ZNF534: variants seen among roughly 807,000 people sequenced by gnomAD.
The protein encoded by ZNF534 is KRAB domain only 3.
ZNF534 carries 19 observed loss-of-function variants against 13.6 expected under a neutral mutation model. The observed-to-expected ratio is 1.40, with a 90% CI of 0.97 to 2.05. The LOEUF is 2.05. Among genes scored for constraint, ZNF534 ranks in the 30% most tolerant of loss-of-function variants. ZNF534 has a pLI of 0.00. For missense variants in ZNF534, 782 were observed against 796.3 expected, an observed-to-expected ratio of 0.98 and a Z score of 0.22; for synonymous variants, 244 against 273.8, an observed-to-expected ratio of 0.89 and a Z score of 1.07.
At chr19:52,449,088 G>T (rs1296734093) in intron 4 of ZNF534, among the ~76,000 whole-genome samples, 3 of 152,102 alleles carry the variant, frequency 2.0e-5, no homozygotes, top group Non-Finnish European at 4.4e-5. Context: ...ACATACGAGT[G>T]AGAGTATGAG....
chr19:52,450,938 G>A (rs920739075), intron 4 of ZNF534, among the ~76,000 whole-genome samples: 1 of 151,690 alleles, frequency 6.6e-6, no homozygotes, highest in African/African-American at 2.4e-5. Flanking sequence ...CGCCCATCTT[G>A]GCCTCCCAAA....
chr19:52,451,150 A>G, intron 4 of ZNF534: 1 of 622,432 alleles, frequency 1.6e-6, no homozygotes. Context: ...TAACCTTTCC[A>G]CTTCTTTCAT....
rs377544879 is a variant in ZNF534 at position 52,435,042 on chromosome 19, A to G, written c.143-39A>G. On this transcript the variant is annotated intron_variant, in intron 3 of 4. Coordinates refer to ENST00000433050, the MANE Select transcript of ZNF534 (RefSeq NM_001143938.3). ...TAAATATAGGGCTTGGACTTTGGAG[A>G]TGCCACAGCACACATTTATTCTTTC... 12 of 1,593,174 alleles carry G rather than the reference A, an allele frequency of 7.5e-6. No individual in the cohort carries two copies. The African/African-American group carries it at 1.2e-4, about 16-fold the overall frequency.
downstream of ZNF534, among the ~76,000 whole-genome samples, chr19:52,447,031 T>C (rs1028934962): frequency 6.6e-6 from 1 of 152,198 alleles, no homozygotes; most frequent in Non-Finnish European, 1.5e-5. Flanking sequence ...CCACCTTCAA[T>C]GTCAGTTGCA....
intron 4 of ZNF534, among the ~76,000 whole-genome samples, chr19:52,450,683 TTG>T (rs1347020836): frequency 6.2e-5 from 1 of 16,040 alleles, no homozygotes; most frequent in African/African-American, 2.5e-4. Context: ...TTTTTTTTTT[TTG>T]TTTTTGTTTT....
At chr19:52,449,374 C>CTG (rs2059205030) in intron 4 of ZNF534, among the ~76,000 whole-genome samples, 2 of 151,482 alleles carry the variant, frequency 1.3e-5, no homozygotes, top group South Asian at 4.2e-4. Flanking sequence ...CTCTCTCTCT[C>CTG]TCTTTCTCTC....
rs542931900 is a variant in ZNF534 at position 52,440,179 on chromosome 19, A to C, written c.*733A>C. ...CATCTATTAATCCATACTGGAAGGA[A>C]ACCATAGAAATATAAAGAATACAAG... On this transcript the variant is annotated 3_prime_UTR_variant, in exon 5 of 5. Coordinates refer to ENST00000433050, the MANE Select transcript of ZNF534 (RefSeq NM_001143938.3). Among the ~76,000 whole-genome samples, 195 of 152,356 alleles carry C rather than the reference A, an allele frequency of 1.3e-3. 1 individual carries two copies. The highest frequency in any genetic ancestry group is 4.3e-3 in the African/African-American group (178 of 41,578).
At chr19:52,434,464 C>CAA (rs528136970) in intron 3 of ZNF534, among the ~76,000 whole-genome samples, 94 of 63,012 alleles carry the variant, frequency 1.5e-3, no homozygotes, top group South Asian at 8.1e-3. Context: ...GACTCCGTCT[C>CAA]AAAAAAAAAA....
At chr19:52,444,029 C>A (rs1043508740), downstream of ZNF534, among the ~76,000 whole-genome samples, 3 of 151,830 alleles carry the variant, frequency 2.0e-5, no homozygotes, top group Non-Finnish European at 2.9e-5. Flanking sequence ...TGGTTTGTAT[C>A]CATTGCTAGT....
Position 52,439,537 on chromosome 19 carries a change from A to G in ZNF534, c.*91A>G. On this transcript the variant is annotated 3_prime_UTR_variant, in exon 5 of 5. Transcript: ENST00000433050. ...GGCAGGTGGATCATGAGGTCAGGAG[A>G]TTGAGACCATCCTGGCTAACACGGT... The G allele has an allele frequency of 8.6e-7, 1 of 1,163,722 alleles. No homozygotes were observed. Among genetic ancestry groups the G allele is most frequent in the Non-Finnish European group, 1.2e-6 (1 of 847,076 alleles). 72.1% of individuals were successfully genotyped at this position (1,163,722 alleles called of 1,614,324 possible).
chr19:52,437,646 G>GT, intron 4 of ZNF534, 86 bp from the exon 5 acceptor site: 1 of 1,285,038 alleles, frequency 7.8e-7, no homozygotes, highest in Non-Finnish European at 1.1e-6. Context: ...CAATGTCTGA[G>GT]TGAAGTGATG....
At chr19:52,446,616 G>A (rs1056889694), downstream of ZNF534, among the ~76,000 whole-genome samples, 1 of 152,040 alleles carries the variant, frequency 6.6e-6, no homozygotes, top group African/African-American at 2.4e-5. Context: ...CCAGCACTTT[G>A]GGAGGCTGAA....
chr19:52,438,013 C>G lies in ZNF534; in HGVS notation c.553C>G (p.Pro185Ala), dbSNP rs369324131. The G allele has an allele frequency of 8.2e-5, 132 of 1,614,076 alleles. No individual in the cohort carries two copies. In the South Asian group the frequency reaches 1.4e-3, roughly 17 times the overall value. ...ACAGAAAGTACACATTAGGGAAAAG[C>G]CTTATGGATGTAATGAGCATGGGAA... is the stretch of plus-strand genomic sequence containing the variant. ...QEQKVHIREK[P>A]YGCNEHGKVF... Residue 185 changes from proline (P) to alanine (A), a missense_variant, in exon 5 of 5, where the codon CCT becomes GCT. This residue lies in a region of ZNF534 where 591 missense variants were observed against 574.0 expected (regional missense o/e 1.03). Coordinates refer to ENST00000433050, the MANE Select transcript of ZNF534 (RefSeq NM_001143938.3).
rs2059176670 is a variant in ZNF534 at position 52,442,076 on chromosome 19, ATGGATTGTATATGCTG to A, written c.*2631_*2646del. Among the ~76,000 whole-genome samples, 1 of 152,172 alleles carries A rather than the reference ATGGATTGTATATGCTG, an allele frequency of 6.6e-6. No homozygotes were observed. The highest frequency in any genetic ancestry group is 1.5e-5 in the Non-Finnish European group (1 of 68,036). ...TATACTTTTGGATAAAACGACACAG[ATGGATTGTATATGCTG>A]AGGATATCCAAGGACCATTACTATA... On this transcript the variant is annotated 3_prime_UTR_variant, in exon 5 of 5. Transcript: ENST00000433050.
rs961515688 is a variant in ZNF534 at position 52,431,608 on chromosome 19, C to G, written c.15+119C>G. 4.3e-5 allele frequency: 57 copies of G among 1,319,126 alleles called. No homozygotes were observed. In the Admixed American group the frequency reaches 1.1e-3, roughly 25 times the overall value. The allele number at this position is 1,319,126 out of a possible 1,614,324, so 81.7% of individuals were successfully genotyped here. A position where few individuals can be genotyped will look rare whatever the true frequency, so the allele number is the denominator to read the frequency against. On this transcript the variant is annotated intron_variant, in intron 2 of 4. Transcript: ENST00000433050. Reference sequence around the variant, plus strand: ...CCTGACTCATTTCATTGCACTTACCCATGGCTTCTTCCAGTCCCTTTCACT... The same window carrying G: ...CCTGACTCATTTCATTGCACTTACCGATGGCTTCTTCCAGTCCCTTTCACT...
intron 4 of ZNF534, among the ~76,000 whole-genome samples, chr19:52,449,311 TG>T (rs1269797822): frequency 1.3e-5 from 2 of 152,072 alleles, no homozygotes; most frequent in Non-Finnish European, 2.9e-5. Flanking sequence ...ACAGTAAACA[TG>T]GGTGTGCAGA....
downstream of ZNF534, among the ~76,000 whole-genome samples, chr19:52,443,794 C>A (rs2059184952): frequency 6.6e-6 from 1 of 151,808 alleles, no homozygotes; most frequent in Admixed American, 6.6e-5. Flanking sequence ...CTCTGAAATT[C>A]TTTCTTCTGC....
Position 52,438,262 on chromosome 19 carries a change from A to G in ZNF534, c.802A>G (p.Lys268Glu). 1 of 1,605,772 alleles carries G rather than the reference A, an allele frequency of 6.2e-7. No individual in the cohort carries two copies. The highest frequency in any genetic ancestry group is 8.5e-7 in the Non-Finnish European group (1 of 1,173,564). Residue 268 changes from lysine (K) to glutamate (E), a missense_variant, in exon 5 of 5, where the codon AAA (lysine) becomes GAA (glutamate). Lys to Glu is a moderately conservative substitution (Grantham distance 56). Transcript: ENST00000433050. ...AQHQKIHTGQ[K>E]PYNNKECGKV... ...ACATCAGAAAATTCATACTGGACAG[A>G]AACCTTACAATAACAAAGAATGTGG... is the stretch of plus-strand genomic sequence containing the variant.
rs1009121676 is a variant in ZNF534 at position 52,439,261 on chromosome 19, A to G, written c.1801A>G (p.Thr601Ala). ...CCTTGCGCGACATAGGAAAATTCAT[A>G]CTGGAGAGAAGCTTTACAAATGTAA... is the stretch of plus-strand genomic sequence containing the variant. ...SHLARHRKIHTGEKLYKCNEC... is the reference protein window; with the variant it reads ...SHLARHRKIHAGEKLYKCNEC... The change falls in exon 5 of 5, where the codon ACT becomes GCT. Residue 601 changes from threonine (T) to alanine (A), a missense_variant. Transcript: ENST00000433050. The G allele has an allele frequency of 5.1e-6, 8 of 1,569,066 alleles. No individual in the cohort carries two copies. The highest frequency in any genetic ancestry group is 8.6e-7 in the Non-Finnish European group (1 of 1,156,640).
Sources: allele counts gnomAD v4.1 joint callset (sites outside exome capture counted in the v4.1 genomes callset), GRCh38; gene constraint gnomAD v4.1.1; regional missense constraint gnomAD v4.1.1; transcripts MANE v1.5; gene names NCBI Gene and HGNC (gene_info 2026-07-23, HGNC 2026-07-21).